CCDC102B: variants seen among roughly 807,000 people sequenced by gnomAD.
The protein encoded by CCDC102B is coiled-coil domain-containing protein 102B.
In CCDC102B, 75 loss-of-function variants were observed where a neutral mutation model predicts 57.4. The observed-to-expected ratio is 1.31, with a 90% CI of 1.08 to 1.58. The LOEUF is 1.58. CCDC102B is among the 40% of genes most tolerant of loss of function. The probability of loss-of-function intolerance (pLI) is 0.00; values close to 1 mark genes in which losing one functional copy is unlikely to be tolerated. For missense variants in CCDC102B, 636 were observed against 582.6 expected, an observed-to-expected ratio of 1.09 and a Z score of -0.94; for synonymous variants, 206 against 201.9, an observed-to-expected ratio of 1.02 and a Z score of -0.17.
At chr18:69,011,582 TC>T (rs975469894) in intron 7 of CCDC102B, among the ~76,000 whole-genome samples, 1 of 152,146 alleles carries the variant, frequency 6.6e-6, no homozygotes, top group African/African-American at 2.4e-5. Context: ...TTTTAGAAAT[TC>T]CTGGAAGATA....
In CCDC102B at chr18:69,010,960, C is replaced by A; in HGVS notation, c.1290C>A (p.Tyr430Ter). 1.2e-6 allele frequency: 2 copies of A among 1,606,456 alleles called. No homozygotes were observed. Among genetic ancestry groups the A allele is most frequent in the African/African-American group, 1.3e-5 (1 of 74,876 alleles). ...NQELLNLQHAYYKLNRQYQAN... is the reference protein window; with the variant it reads ...NQELLNLQHA ...AATTACTGAACCTTCAACATGCCTACTATAAACTAAACAGACAATACCAGG... is the reference window on the plus strand; with the variant it reads ...AATTACTGAACCTTCAACATGCCTAATATAAACTAAACAGACAATACCAGG... The change falls in exon 7 of 8, where the codon TAC becomes TAA. Residue 430 changes from tyrosine (Y) to a stop codon, truncating the protein, a stop_gained. Transcript: ENST00000360242. LOFTEE classifies it high-confidence loss of function.
intron 2 of CCDC102B, among the ~76,000 whole-genome samples, chr18:68,737,523 G>T (rs559821607): frequency 4.5e-4 from 68 of 151,826 alleles, no homozygotes; most frequent in African/African-American, 1.6e-3. Context: ...TGAAGGGAGG[G>T]TTGTGTGTGT....
At chr18:69,045,926 AG>A (rs1307245775) in intron 7 of CCDC102B, among the ~76,000 whole-genome samples, 1 of 152,156 alleles carries the variant, frequency 6.6e-6, no homozygotes, top group African/African-American at 2.4e-5. Flanking sequence ...GTTGCTGCAA[AG>A]AACATAAACT....
intron 4 of CCDC102B, among the ~76,000 whole-genome samples, chr18:68,856,127 T>G (rs1220005756): frequency 2.0e-5 from 3 of 152,208 alleles, no homozygotes; most frequent in East Asian, 3.8e-4. Context: ...TACTTTAACT[T>G]CATAAAATAT....
At chr18:68,983,991 T>C (rs1465731141) in intron 6 of CCDC102B, among the ~76,000 whole-genome samples, 2 of 150,490 alleles carry the variant, frequency 1.3e-5, no homozygotes, top group African/African-American at 4.9e-5. Flanking sequence ...TTGGAAGGAG[T>C]TTCTCTGTGC....
intron 2 of CCDC102B, among the ~76,000 whole-genome samples, chr18:68,789,560 C>T (rs1236742372): frequency 6.7e-6 from 1 of 149,834 alleles, no homozygotes; most frequent in African/African-American, 2.5e-5. Flanking sequence ...AACTTCCCTT[C>T]TCGCTTCATT....
At chr18:68,755,826 A>G (rs1019499639) in intron 2 of CCDC102B, among the ~76,000 whole-genome samples, 1 of 151,634 alleles carries the variant, frequency 6.6e-6, no homozygotes, top group Non-Finnish European at 1.5e-5. Context: ...TAGAAGACCA[A>G]TAAAATAATT....
At chr18:68,911,554 C>T (rs974305237) in intron 6 of CCDC102B, among the ~76,000 whole-genome samples, 8 of 150,016 alleles carry the variant, frequency 5.3e-5, no homozygotes, top group South Asian at 4.2e-4. Flanking sequence ...AGATCGAGAC[C>T]ATCCTGGCTA....
chr18:69,008,464 G>A (rs2145383327), intron 6 of CCDC102B, among the ~76,000 whole-genome samples: 1 of 151,124 alleles, frequency 6.6e-6, no homozygotes, highest in South Asian at 2.1e-4. Flanking sequence ...GCATCATTAA[G>A]GTTTAAATAT....
intron 2 of CCDC102B, among the ~76,000 whole-genome samples, chr18:68,728,166 T>C (rs1046742181): frequency 2.0e-5 from 3 of 152,190 alleles, no homozygotes; most frequent in African/African-American, 7.2e-5. Flanking sequence ...TGTATACTAC[T>C]GGACTCTGCT....
intron 4 of CCDC102B, among the ~76,000 whole-genome samples, chr18:68,852,177 C>T (rs1330855973): frequency 6.6e-6 from 1 of 152,158 alleles, no homozygotes; most frequent in Non-Finnish European, 1.5e-5. Flanking sequence ...TGATTGTATG[C>T]ACCAATCTTA....
rs1056152400 is a variant in CCDC102B at position 69,015,918 on chromosome 18, G to A, written c.1434+4814G>A. ...CACCCAGGCTGGAGTGCAGTGGTGT[G>A]ATCTTGGCTCACTGCAAGCTCTGCC... On this transcript the variant is annotated intron_variant, in intron 7 of 7. Transcript: ENST00000360242. 2.6e-5 allele frequency among the ~76,000 whole-genome samples: 4 copies of A among 151,986 alleles called. No individual in the cohort carries two copies. The East Asian group carries it at 7.8e-4, about 29-fold the overall frequency.
At chr18:68,867,446 A>C (rs1293672412) in intron 4 of CCDC102B, among the ~76,000 whole-genome samples, 2 of 152,166 alleles carry the variant, frequency 1.3e-5, no homozygotes, top group African/African-American at 2.4e-5. Flanking sequence ...GAGACAGTGG[A>C]AACTGCCAGC....
intron 2 of CCDC102B, among the ~76,000 whole-genome samples, chr18:68,720,644 A>C (rs186670166): frequency 1.3e-4 from 20 of 152,280 alleles, no homozygotes; most frequent in African/African-American, 4.8e-4. Context: ...CCATATCCTT[A>C]TTTCAACACT....
chr18:69,037,367 A>C (rs1370282538), intron 7 of CCDC102B, among the ~76,000 whole-genome samples: 2 of 152,050 alleles, frequency 1.3e-5, no homozygotes, highest in East Asian at 1.9e-4. Flanking sequence ...AGAAATAGAA[A>C]ATGCTGATTA....
At chr18:68,811,317 C>T (rs780378490) in intron 1 of CCDC102B, among the ~76,000 whole-genome samples, 5 of 152,108 alleles carry the variant, frequency 3.3e-5, no homozygotes, top group Non-Finnish European at 7.4e-5. Context: ...AGTTTCTTTT[C>T]TATGTTGACA....
At chr18:68,812,611 T>C (rs2036311661) in intron 1 of CCDC102B, among the ~76,000 whole-genome samples, 1 of 152,156 alleles carries the variant, frequency 6.6e-6, no homozygotes, top group South Asian at 2.1e-4. Context: ...ATTAATTGGG[T>C]AGGTTGATAT....
chr18:68,795,902 T>C (rs1357654818), upstream of CCDC102B, among the ~76,000 whole-genome samples: 2 of 152,174 alleles, frequency 1.3e-5, no homozygotes, highest in Non-Finnish European at 2.9e-5. Flanking sequence ...TGATGGCCTC[T>C]TGAAGGTGTT....
At chr18:68,756,895 GTGTGTGTGTC>G (rs1018449256) in intron 2 of CCDC102B, among the ~76,000 whole-genome samples, 4 of 151,964 alleles carry the variant, frequency 2.6e-5, no homozygotes, top group African/African-American at 4.8e-5. Context: ...GTGTGTGTGT[GTGTGTGTGTC>G]TGTGTGTCTG....
Sources: gnomAD v4.1 joint callset for allele counts (sites outside exome capture counted in the v4.1 genomes callset) on GRCh38, gnomAD v4.1.1 for gene constraint, MANE v1.5 for transcripts, NCBI Gene and HGNC (gene_info 2026-07-23, HGNC 2026-07-21) for gene names.